APAF1: variants seen among roughly 807,000 people sequenced by gnomAD.
The protein encoded by APAF1 is apoptotic peptidase activating factor 1, also known as apoptotic protease-activating factor 1.
In APAF1, 91 loss-of-function variants were observed where a neutral mutation model predicts 152.4. The observed-to-expected ratio is 0.60, with a 90% CI of 0.50 to 0.71. The LOEUF is 0.71. APAF1 is among the 30% of genes least tolerant of loss of function. APAF1 has a pLI of 0.00. For synonymous variants in APAF1, 484 were observed against 494.1 expected (o/e 0.98, Z 0.27); for missense variants, 1,283 against 1,472.0 (o/e 0.87, Z 2.10).
intron 4 of APAF1, among the ~76,000 whole-genome samples, chr12:98,651,683 C>T (rs934946269): frequency 6.6e-6 from 1 of 151,826 alleles, no homozygotes; most frequent in Non-Finnish European, 1.5e-5. Context: ...TTTAAAGAGA[C>T]AGAGTGTCAC....
At chr12:98,697,117 A>T (rs900876714) in intron 16 of APAF1, among the ~76,000 whole-genome samples, 1 of 152,116 alleles carries the variant, frequency 6.6e-6, no homozygotes, top group Non-Finnish European at 1.5e-5. Context: ...GCTTATGCTG[A>T]TCCCTTGGAA....
intron 15 of APAF1, among the ~76,000 whole-genome samples, chr12:98,686,219 C>T (rs1430210340): frequency 6.6e-6 from 1 of 152,118 alleles, no homozygotes; most frequent in Admixed American, 6.5e-5. Context: ...TATTAAAGTT[C>T]CCTTTTTCCT....
chr12:98,648,244 C>A, intron 1 of APAF1, 75 bp from the exon 2 acceptor site: 1 of 1,342,720 alleles, frequency 7.4e-7, no homozygotes, highest in Non-Finnish European at 1.0e-6. Context: ...TTTTACGTTT[C>A]TTGTTTATTA....
At chr12:98,706,305 TA>T (rs2097721335) in intron 18 of APAF1, among the ~76,000 whole-genome samples, 179 bp from the exon 19 acceptor site, 1 of 152,220 alleles carries the variant, frequency 6.6e-6, no homozygotes, top group South Asian at 2.1e-4. Flanking sequence ...TATTTTGCTA[TA>T]AAAAATAATG....
chr12:98,671,700 A>G lies in APAF1; in HGVS notation c.1774A>G (p.Met592Val). 1 of 1,614,104 alleles carries G rather than the reference A, an allele frequency of 6.2e-7. No individual in the cohort carries two copies. Among genetic ancestry groups the G allele is most frequent in the Non-Finnish European group, 8.5e-7 (1 of 1,180,010 alleles). ...LQAKQEVDNG[M>V]LYLEWINKKN... The stretch of plus-strand genomic sequence containing the variant: ...GGCCAAGCAGGAGGTCGATAATGGA[A>G]TGCTTTACCTGGAATGGATGTAAGT... The change falls in exon 12 of 27, where the codon ATG (methionine) becomes GTG (valine). Residue 592 changes from methionine (M) to valine (V), a missense_variant. Met to Val is a conservative substitution (Grantham distance 21). Transcript: ENST00000551964.
At position 98,649,534 on chromosome 12, in the gene APAF1, T is replaced by C; in HGVS notation, c.376T>C (p.Phe126Leu). The change falls in exon 4 of 27, where the codon TTT (phenylalanine) becomes CTT (leucine). Residue 126 changes from phenylalanine to leucine, a missense_variant. Coordinates refer to ENST00000551964, the MANE Select transcript of APAF1 (RefSeq NM_181861.2). ...TGGAGTACCACAGAGGCCAGTTGTT[T>C]TTGTCACAAGGAAGAAGCTGGTGAA... ...EGGVPQRPVVFVTRKKLVNAI... is the reference protein window; with the variant it reads ...EGGVPQRPVVLVTRKKLVNAI... 2 of 1,614,218 alleles carry C rather than the reference T, an allele frequency of 1.2e-6. No homozygotes were observed. Among genetic ancestry groups the C allele is most frequent in the Middle Eastern group, 1.6e-4 (1 of 6,062 alleles).
rs1205113196 is a variant in APAF1, at chr12:98,667,560, G to A, written c.1410G>A (p.Pro470=). The A allele has an allele frequency of 9.9e-6, 16 of 1,613,700 alleles. 1 individual carries two copies. In the East Asian group the frequency reaches 1.3e-4, roughly 13 times the overall value. The change falls in exon 10 of 27, where the codon CCG becomes CCA. Residue 470 remains proline, a synonymous_variant. Coordinates refer to ENST00000551964, the MANE Select transcript of APAF1 (RefSeq NM_181861.2). ...CTCAGTTTCAGAGATATCACCAGCC[G>A]CATACTCTTTCACCAGATCAGGAAG... ...IITQFQRYHQ[P]HTLSPDQEDC...
chr12:98,732,598 T>A lies in APAF1; in HGVS notation c.*32T>A. On this transcript the variant is annotated 3_prime_UTR_variant, in exon 27 of 27. Coordinates refer to ENST00000551964, the MANE Select transcript of APAF1 (RefSeq NM_181861.2). Reference sequence around the variant, plus strand: ...TAAGCATTAATGTAGTTGAACTTTTTAAATTTTTGAATTGGAAAAAAATTC... The same window carrying A: ...TAAGCATTAATGTAGTTGAACTTTTAAAATTTTTGAATTGGAAAAAAATTC... 2 of 1,467,374 alleles carry A rather than the reference T, an allele frequency of 1.4e-6. No individual in the cohort carries two copies. Among genetic ancestry groups the A allele is most frequent in the South Asian group, 1.2e-5 (1 of 81,668 alleles). The allele number at this position is 1,467,374 out of a possible 1,614,324, so 90.9% of individuals were successfully genotyped here.
At chr12:98,708,747 A>G in intron 20 of APAF1, 43 bp downstream of exon 20, 1 of 1,600,826 alleles carries the variant, frequency 6.2e-7, no homozygotes, top group Non-Finnish European at 8.5e-7. Context: ...GTTTTGGTTG[A>G]ATTTTCTATT....
chr12:98,718,980 C>T (rs1326727303), intron 22 of APAF1, among the ~76,000 whole-genome samples: 1 of 152,106 alleles, frequency 6.6e-6, no homozygotes, highest in Non-Finnish European at 1.5e-5. Context: ...GCCCCATCTC[C>T]TTCCCTCTCA....
At chr12:98,671,155 T>G in intron 11 of APAF1, 69 bp downstream of exon 11, 2 of 993,294 alleles carry the variant, frequency 2.0e-6, no homozygotes, top group South Asian at 2.7e-5. Context: ...TAATTCTAGA[T>G]TTAATGATGG....
chr12:98,683,704 A>G (rs1421968109), intron 15 of APAF1, among the ~76,000 whole-genome samples: 2 of 152,202 alleles, frequency 1.3e-5, no homozygotes, highest in African/African-American at 2.4e-5. Flanking sequence ...TTTGGCTTAC[A>G]TGCTCATAGC....
chr12:98,720,860 A>G (rs138996945), intron 22 of APAF1, among the ~76,000 whole-genome samples: 12,409 of 152,086 alleles, frequency 0.082, 675 homozygotes, highest in East Asian at 0.24. Flanking sequence ...CCAGCTACTC[A>G]GGAGGCTGAG....
At chr12:98,707,300 T>C (rs1445995483) in intron 19 of APAF1, among the ~76,000 whole-genome samples, 1 of 152,176 alleles carries the variant, frequency 6.6e-6, no homozygotes, top group African/African-American at 2.4e-5. Flanking sequence ...CACTCCGTAG[T>C]TCCCTGCTTC....
chr12:98,685,997 G>A (rs181171557), intron 15 of APAF1, among the ~76,000 whole-genome samples: 6 of 152,236 alleles, frequency 3.9e-5, no homozygotes, highest in Admixed American at 2.0e-4. Flanking sequence ...ATTTAAGCAT[G>A]CATCTCAGAG....
At position 98,671,020 on chromosome 12, in the gene APAF1, A is replaced by T; in HGVS notation, c.1542A>T (p.Thr514=). ...CCCTGGATTGGATTAAAGCAAAAAC[A>T]GAACTTGTAGGCCCTGCTCATCTGA... ...MFSLDWIKAK[T]ELVGPAHLIH... is the part of the protein sequence containing the mutation. The change falls in exon 11 of 27, where the codon ACA becomes ACT. Residue 514 remains threonine, a synonymous_variant. Transcript: ENST00000551964. The T allele has an allele frequency of 1.9e-6, 3 of 1,613,234 alleles. No homozygotes were observed. The highest frequency in any genetic ancestry group is 1.7e-6 in the Non-Finnish European group (2 of 1,179,674).
chr12:98,651,072 T>G (rs187275287), intron 4 of APAF1, among the ~76,000 whole-genome samples: 2 of 152,330 alleles, frequency 1.3e-5, no homozygotes, highest in African/African-American at 2.4e-5. Context: ...GGAACAGGTT[T>G]TAACTACTTT....
At chr12:98,672,773 A>G (rs915276241) in intron 12 of APAF1, among the ~76,000 whole-genome samples, 1 of 151,380 alleles carries the variant, frequency 6.6e-6, no homozygotes, top group African/African-American at 2.4e-5. Context: ...ATTTTTTTTG[A>G]GACGGCGTTT....
chr12:98,673,994 TTTTA>T (rs924679220), intron 12 of APAF1, among the ~76,000 whole-genome samples: 25 of 152,032 alleles, frequency 1.6e-4, no homozygotes, highest in African/African-American at 6.0e-4. Flanking sequence ...TTTTTGTTGG[TTTTA>T]TTTATTTATT....
Sources: gnomAD v4.1 joint callset for allele counts (sites outside exome capture counted in the v4.1 genomes callset) on GRCh38, gnomAD v4.1.1 for gene constraint, MANE v1.5 for transcripts, NCBI Gene and HGNC (gene_info 2026-07-23, HGNC 2026-07-21) for gene names.